KYNU: variants seen among roughly 807,000 people sequenced by gnomAD.
KYNU encodes the protein kynureninase.
Under a neutral mutation model 59.2 loss-of-function variants are expected in KYNU, and 54 were observed. The observed-to-expected ratio is 0.91, with a 90% confidence interval of 0.73 to 1.14. KYNU has a LOEUF of 1.14. KYNU is among the 50% of genes most tolerant of loss of function. KYNU has a pLI of 0.00. For missense variants in KYNU, 567 were observed against 554.4 expected (o/e 1.02, Z -0.23); for synonymous variants, 177 against 192.0 (o/e 0.92, Z 0.65).
intron 10 of KYNU, among the ~76,000 whole-genome samples, chr2:143,005,800 T>A (rs1278284932): frequency 2.6e-5 from 4 of 151,768 alleles, no homozygotes; most frequent in Non-Finnish European, 5.9e-5. Context: ...TATTTCTGGG[T>A]AGAGAATGAT....
chr2:143,002,100 G>C (rs1685722857), intron 10 of KYNU, among the ~76,000 whole-genome samples: 1 of 152,160 alleles, frequency 6.6e-6, no homozygotes. Flanking sequence ...AGAATCTTCG[G>C]TGGAGCTGGT....
At chr2:142,924,507 GA>G (rs1682990265) in intron 3 of KYNU, among the ~76,000 whole-genome samples, 1 of 152,152 alleles carries the variant, frequency 6.6e-6, no homozygotes, top group African/African-American at 2.4e-5. Context: ...CTTATGGAAG[GA>G]AGCTTTCTAA....
Position 143,042,596 on chromosome 2 carries a change from A to ATG in KYNU, c.*425_*426insGT, listed in dbSNP as rs1687087189. On this transcript the variant is annotated 3_prime_UTR_variant, in exon 14 of 14. Transcript: ENST00000264170. ...GCATTGTAGTCTGATATATATATAT[A>ATG]TATATATATATATATATATATATAT... The ATG allele has an allele frequency of 2.7e-4, 1 of 3,702 alleles. No individual in the cohort carries two copies. The highest frequency in any genetic ancestry group is 8.6e-4 in the African/African-American group (1 of 1,158). The allele number at this position is 3,702 out of a possible 1,614,324, so 0.2% of individuals were successfully genotyped here. A position where few individuals can be genotyped will look rare whatever the true frequency, so the allele number is the denominator to read the frequency against.
chr2:143,013,767 A>G (rs1686178584), intron 10 of KYNU, among the ~76,000 whole-genome samples: 1 of 152,162 alleles, frequency 6.6e-6, no homozygotes, highest in South Asian at 2.1e-4. Flanking sequence ...ACAGAATGAC[A>G]TTGCAAAGGT....
intron 12 of KYNU, among the ~76,000 whole-genome samples, chr2:143,038,171 C>T (rs1009188500): frequency 6.6e-6 from 1 of 152,092 alleles, no homozygotes; most frequent in Non-Finnish European, 1.5e-5. Flanking sequence ...CTTCACATAT[C>T]GATTGCCCCC....
At chr2:142,959,160 A>T (rs2105094475) in intron 7 of KYNU, among the ~76,000 whole-genome samples, 1 of 152,216 alleles carries the variant, frequency 6.6e-6, no homozygotes, top group Admixed American at 6.5e-5. Flanking sequence ...CTTAACATGG[A>T]GCAGAGTAAT....
chr2:142,949,956 A>G (rs1221727704), intron 4 of KYNU, among the ~76,000 whole-genome samples: 4 of 152,158 alleles, frequency 2.6e-5, no homozygotes, highest in Non-Finnish European at 5.9e-5. Context: ...TGCTGCTTAG[A>G]AGTTTCTTCT....
At chr2:143,028,571 C>T (rs1334842275) in intron 10 of KYNU, among the ~76,000 whole-genome samples, 2 of 147,844 alleles carry the variant, frequency 1.4e-5, no homozygotes, top group Non-Finnish European at 3.0e-5. Context: ...TGAGGCCAGG[C>T]GTGGTGGCTC....
chr2:142,941,615 G>A (rs1322109044), intron 4 of KYNU, among the ~76,000 whole-genome samples: 2 of 152,170 alleles, frequency 1.3e-5, no homozygotes, highest in African/African-American at 4.8e-5. Flanking sequence ...TTGTAAATCA[G>A]AGTTAGGAAG....
At chr2:143,029,592 C>A (rs6429999) in intron 10 of KYNU, 35 bp from the exon 11 acceptor site, 966,200 of 1,394,958 alleles carry the variant, frequency 0.69, 338,536 homozygotes, top group Non-Finnish European at 0.72. Flanking sequence ...TCCAAAAAAA[C>A]CCCCAAAAAC....
chr2:142,957,590 ACTT>A (rs1276295050), intron 6 of KYNU, 48 bp from the exon 7 acceptor site: 1 of 1,075,744 alleles, frequency 9.3e-7, no homozygotes, highest in East Asian at 2.4e-5. Context: ...ATTTCAATGT[ACTT>A]CTGTGCTCTC....
chr2:142,928,336 A>T (rs1035059998), intron 4 of KYNU, among the ~76,000 whole-genome samples: 1 of 152,346 alleles, frequency 6.6e-6, no homozygotes, highest in South Asian at 2.1e-4. Context: ...TAATTGGCTT[A>T]AATATTCAGC....
chr2:142,969,642 C>A (rs1314394149), intron 8 of KYNU, among the ~76,000 whole-genome samples: 6 of 152,136 alleles, frequency 3.9e-5, no homozygotes. Flanking sequence ...GGAAATGAAG[C>A]CTGGCCTCCA....
chr2:142,938,665 A>T (rs1471373580), intron 4 of KYNU, among the ~76,000 whole-genome samples: 1 of 152,252 alleles, frequency 6.6e-6, no homozygotes, highest in Non-Finnish European at 1.5e-5. Context: ...GCTAAACTTG[A>T]TTCAACAACA....
chr2:142,885,558 T>A, intron 2 of KYNU, 22 bp downstream of exon 2: 1 of 1,584,784 alleles, frequency 6.3e-7, no homozygotes, highest in Non-Finnish European at 8.6e-7. Context: ...GGGAAGGTTT[T>A]TAAATTTTAT....
intron 8 of KYNU, among the ~76,000 whole-genome samples, chr2:142,978,428 G>C (rs1684951208): frequency 6.6e-6 from 1 of 152,132 alleles, no homozygotes; most frequent in Admixed American, 6.6e-5. Context: ...TGGTATAGAA[G>C]CTGCATTTCC....
At chr2:142,902,251 A>G (rs960371115) in intron 2 of KYNU, among the ~76,000 whole-genome samples, 8 of 152,210 alleles carry the variant, frequency 5.3e-5, no homozygotes, top group African/African-American at 1.9e-4. Flanking sequence ...ATGGTTTGCA[A>G]GCTGGTCCCT....
At chr2:143,030,075 A>C (rs1287565969) in intron 11 of KYNU, among the ~76,000 whole-genome samples, 1 of 152,196 alleles carries the variant, frequency 6.6e-6, no homozygotes, top group Non-Finnish European at 1.5e-5. Flanking sequence ...CACAAGTTAT[A>C]TCATCTTGTG....
intron 1 of KYNU, among the ~76,000 whole-genome samples, chr2:142,882,859 T>C (rs945717371): frequency 3.3e-5 from 5 of 152,206 alleles, no homozygotes; most frequent in Non-Finnish European, 7.3e-5. Context: ...ATGGGATTGC[T>C]GGGTCAAATG....
Sources: gnomAD v4.1 joint callset for allele counts (sites outside exome capture counted in the v4.1 genomes callset) on GRCh38, gnomAD v4.1.1 for gene constraint, MANE v1.5 for transcripts, NCBI Gene and HGNC (gene_info 2026-07-23, HGNC 2026-07-21) for gene names.